PTPRC: variants seen among roughly 807,000 people sequenced by gnomAD.
The protein encoded by PTPRC is receptor-type tyrosine-protein phosphatase C.
A neutral mutation model predicts 155.9 loss-of-function variants in PTPRC; 44 were observed. The ratio of observed to expected loss-of-function variants is 0.28; its 90% CI spans 0.22 to 0.36. PTPRC has a LOEUF of 0.36. PTPRC is among the 10% of genes least tolerant of loss of function. The pLI is 1.00. For synonymous variants in PTPRC, 525 were observed against 533.1 expected (o/e 0.98, Z 0.21); for missense variants, 1,401 against 1,564.6 (o/e 0.90, Z 1.76).
At chr1:198,639,383 C>G (rs761141412) in intron 2 of PTPRC, 42 bp downstream of exon 2, 2 of 1,445,588 alleles carry the variant, frequency 1.4e-6, no homozygotes, top group Non-Finnish European at 1.9e-6. Context: ...TATTTTTTCT[C>G]TTTTGGAGGA....
intron 8 of PTPRC, among the ~76,000 whole-genome samples, 193 bp downstream of exon 8, chr1:198,704,691 T>C (rs534629077): frequency 1.1e-4 from 16 of 152,282 alleles, no homozygotes; most frequent in Admixed American, 2.0e-4. Context: ...TGATAGACAC[T>C]GGGAAATACA....
In PTPRC at chr1:198,661,641, A is replaced by G. The variant is rs116608542; in HGVS notation, c.73+22300A>G. 5.7e-3 allele frequency among the ~76,000 whole-genome samples: 874 copies of G among 152,188 alleles called. 3 individuals are homozygous for G. The highest frequency in any genetic ancestry group is 0.019 in the African/African-American group (794 of 41,544). ...ATAACACTTAATTAATATTATTTTG[A>G]CCTTGAAGAATCTTTAAAAGGTTCT... On this transcript the variant is annotated intron_variant, in intron 2 of 32. Transcript: ENST00000442510.
At chr1:198,718,337 A>G (rs750947196) in intron 14 of PTPRC, 35 bp downstream of exon 14, 48 of 1,481,230 alleles carry the variant, frequency 3.2e-5, no homozygotes, top group Non-Finnish European at 4.3e-5. Flanking sequence ...TATAGTACCA[A>G]CTACATTATA....
chr1:198,699,900 G>C (rs1483572212), intron 5 of PTPRC, 196 bp downstream of exon 5: 1 of 700,400 alleles, frequency 1.4e-6, no homozygotes. Context: ...ATAATAGTGA[G>C]AATTGTGAGA....
chr1:198,756,221 C>CTGTT lies in PTPRC; in HGVS notation c.*41_*44dup, dbSNP rs774149597. Reference sequence around the variant, plus strand: ...GAGGAAACTCCAAACCTCCTGTTAGCTGTTATTTCTATTTTTGTAGAAGTA... The same window carrying CTGTT: ...GAGGAAACTCCAAACCTCCTGTTAGCTGTTTGTTATTTCTATTTTTGTAGAAGTA... On this transcript the variant is annotated 3_prime_UTR_variant, in exon 33 of 33. Transcript: ENST00000442510. The CTGTT allele has an allele frequency of 1.9e-6, 3 of 1,609,170 alleles. No homozygotes were observed. The highest frequency in any genetic ancestry group is 2.2e-5 in the East Asian group (1 of 44,606).
At chr1:198,656,545 T>A (rs139425525) in intron 2 of PTPRC, among the ~76,000 whole-genome samples, 1 of 152,136 alleles carries the variant, frequency 6.6e-6, no homozygotes, top group East Asian at 1.9e-4. Flanking sequence ...GCACTGTGTA[T>A]GAGCTATGAA....
At chr1:198,721,520 G>A (rs111952396) in intron 14 of PTPRC, among the ~76,000 whole-genome samples, 1 of 151,958 alleles carries the variant, frequency 6.6e-6, no homozygotes, top group East Asian at 1.9e-4. Flanking sequence ...GATTATTGAT[G>A]ATTTCTAATG....
intron 17 of PTPRC, 38 bp from the exon 18 acceptor site, chr1:198,731,579 C>T (rs770393761): frequency 6.8e-7 from 1 of 1,460,198 alleles, no homozygotes; most frequent in Non-Finnish European, 9.6e-7. Context: ...ACCTGAAAGA[C>T]ACATGTAACT....
At chr1:198,748,263 T>C (rs1340536736) in intron 27 of PTPRC, 64 bp downstream of exon 27, 4 of 1,533,046 alleles carry the variant, frequency 2.6e-6, no homozygotes, top group Non-Finnish European at 3.5e-6. Context: ...ATTTGTTTAA[T>C]GTGGGACACA....
chr1:198,690,535 A>G (rs975710688), intron 2 of PTPRC, among the ~76,000 whole-genome samples: 1 of 152,138 alleles, frequency 6.6e-6, no homozygotes, highest in Non-Finnish European at 1.5e-5. Context: ...TATGTTAATA[A>G]TTATGTATCA....
chr1:198,640,890 C>T (rs1662541526), intron 2 of PTPRC, among the ~76,000 whole-genome samples: 2 of 151,920 alleles, frequency 1.3e-5, no homozygotes, highest in South Asian at 4.1e-4. Flanking sequence ...CTATTATATG[C>T]TTAAATCAGA....
chr1:198,693,893 C>A (rs1050557068), intron 3 of PTPRC: 10 of 1,207,086 alleles, frequency 8.3e-6, no homozygotes, highest in Middle Eastern at 3.0e-4. Flanking sequence ...TGCTACTCAT[C>A]AAAATAGCGT....
At chr1:198,707,840 GTGC>G (rs1355795738) in intron 9 of PTPRC, among the ~76,000 whole-genome samples, 5 of 152,142 alleles carry the variant, frequency 3.3e-5, no homozygotes, top group African/African-American at 1.2e-4. Flanking sequence ...TTTTTAAAAT[GTGC>G]GAAAGCTACA....
intron 20 of PTPRC, among the ~76,000 whole-genome samples, chr1:198,733,794 G>A (rs1207403917): frequency 6.6e-6 from 1 of 151,734 alleles, no homozygotes; most frequent in Admixed American, 6.6e-5. Context: ...AAGAAATTGA[G>A]TAAAAATCCC....
At chr1:198,641,473 A>T (rs1171773585) in intron 2 of PTPRC, among the ~76,000 whole-genome samples, 1 of 152,004 alleles carries the variant, frequency 6.6e-6, no homozygotes, top group Non-Finnish European at 1.5e-5. Flanking sequence ...ATCAATGGTA[A>T]CTCTATGCAT....
intron 2 of PTPRC, among the ~76,000 whole-genome samples, chr1:198,660,336 C>T (rs1663885387): frequency 6.6e-6 from 1 of 152,004 alleles, no homozygotes; most frequent in Admixed American, 6.6e-5. Flanking sequence ...AGGGTTTTAT[C>T]ATATGCTTAT....
intron 2 of PTPRC, among the ~76,000 whole-genome samples, chr1:198,690,817 A>G (rs574080021): frequency 6.6e-6 from 1 of 152,240 alleles, no homozygotes; most frequent in South Asian, 2.1e-4. Flanking sequence ...AATCTTTTAA[A>G]TAGGCATTTA....
At chr1:198,665,079 CATTTT>C (rs1664202180) in intron 2 of PTPRC, among the ~76,000 whole-genome samples, 1 of 102,210 alleles carries the variant, frequency 9.8e-6, no homozygotes, top group Admixed American at 1.0e-4. Context: ...ATCCCGGCAG[CATTTT>C]TTTTTTTTTT....
At chr1:198,663,590 C>A (rs1664108993) in intron 2 of PTPRC, among the ~76,000 whole-genome samples, 1 of 152,192 alleles carries the variant, frequency 6.6e-6, no homozygotes, top group South Asian at 2.1e-4. Flanking sequence ...GAATCCACAG[C>A]TGACCTAGTG....
Sources: allele counts gnomAD v4.1 joint callset (sites outside exome capture counted in the v4.1 genomes callset), GRCh38; gene constraint gnomAD v4.1.1; transcripts MANE v1.5; gene names NCBI Gene and HGNC (gene_info 2026-07-23, HGNC 2026-07-21).